Variants in EGLN1 observed in about 807,000 individuals in gnomAD.
EGLN1 encodes the protein egl-9 family hypoxia inducible factor 1.
In EGLN1, 17 loss-of-function variants were observed where a neutral mutation model predicts 38.3. The ratio of observed to expected loss-of-function variants is 0.44; its 90% confidence interval spans 0.30 to 0.67. The LOEUF is 0.67. EGLN1 is among the 30% of genes least tolerant of loss of function. The pLI is 0.08. For missense variants in EGLN1, 477 were observed against 603.3 expected (o/e 0.79, Z 2.19); for synonymous variants, 283 against 257.5 (o/e 1.10, Z -0.95).
chr1:231,418,030 C>T (rs1469665295), intron 1 of EGLN1, among the ~76,000 whole-genome samples: 1 of 152,192 alleles, frequency 6.6e-6, no homozygotes, highest in Non-Finnish European at 1.5e-5. Context: ...AACCACCTGC[C>T]TACTGCTGTG....
At chr1:231,396,473 C>T (rs1444312719) in intron 1 of EGLN1, among the ~76,000 whole-genome samples, 2 of 152,144 alleles carry the variant, frequency 1.3e-5, no homozygotes, top group African/African-American at 2.4e-5. Context: ...AGGATGGTCT[C>T]GATCTTTTGG....
chr1:231,384,643 C>T (rs1688151786), intron 1 of EGLN1, among the ~76,000 whole-genome samples: 1 of 152,088 alleles, frequency 6.6e-6, no homozygotes, highest in Admixed American at 6.5e-5. Context: ...TGAAGTCAGA[C>T]AGGTAAGGGG....
rs182701063 is a variant in EGLN1, at chr1:231,391,888, T to A, written c.892-17789A>T. ...TACAGATATACTAAAAATGAAATAA[T>A]CCAACTAGAATTTTACATATTCAAG... On this transcript the variant is annotated intron_variant, in intron 1 of 4. Transcript: ENST00000366641. Among the ~76,000 whole-genome samples, 16 of 151,970 alleles carry A rather than the reference T, an allele frequency of 1.1e-4. No homozygotes were observed. The East Asian group carries it at 2.9e-3, about 28-fold the overall frequency.
intron 1 of EGLN1, among the ~76,000 whole-genome samples, chr1:231,401,557 A>G (rs2808602): frequency 0.54 from 82,814 of 152,032 alleles, 24,202 homozygotes; most frequent in Non-Finnish European, 0.65. Context: ...AAAATTACAA[A>G]TAGTACAAAC....
chr1:231,391,305 A>C (rs1688380688), intron 1 of EGLN1, among the ~76,000 whole-genome samples: 1 of 152,090 alleles, frequency 6.6e-6, no homozygotes, highest in Non-Finnish European at 1.5e-5. Flanking sequence ...TCTAGCTCTA[A>C]GACTATACAT....
chr1:231,411,324 T>C lies in EGLN1; in HGVS notation c.891+9674A>G, dbSNP rs148425562. 5.9e-3 allele frequency among the ~76,000 whole-genome samples: 894 copies of C among 152,314 alleles called. 6 individuals carry two copies. Among genetic ancestry groups the C allele is most frequent in the African/African-American group, 0.02 (826 of 41,572 alleles). On this transcript the variant is annotated intron_variant, in intron 1 of 4. Transcript: ENST00000366641. ...TTTTGCCTTCTGCCATAATTGTAAGTTTCCTGAGGCCTCCCCAGCCATGTG... is the reference window on the plus strand; with the variant it reads ...TTTTGCCTTCTGCCATAATTGTAAGCTTCCTGAGGCCTCCCCAGCCATGTG...
chr1:231,413,478 T>C (rs1689003454), intron 1 of EGLN1, among the ~76,000 whole-genome samples: 1 of 152,234 alleles, frequency 6.6e-6, no homozygotes, highest in Non-Finnish European at 1.5e-5. Flanking sequence ...CAAGTCACTA[T>C]TTAAATGTCA....
intron 1 of EGLN1, among the ~76,000 whole-genome samples, chr1:231,377,117 C>CT (rs1450472289): frequency 1.3e-5 from 2 of 152,234 alleles, no homozygotes; most frequent in Non-Finnish European, 2.9e-5. Context: ...CTCAATATCT[C>CT]TTACCACCTA....
chr1:231,371,824 A>G (rs1392803247), intron 2 of EGLN1, among the ~76,000 whole-genome samples: 1 of 152,040 alleles, frequency 6.6e-6, no homozygotes, highest in East Asian at 1.9e-4. Context: ...AAATTTAAAG[A>G]AACTCTAACA....
intron 1 of EGLN1, among the ~76,000 whole-genome samples, chr1:231,386,586 A>G (rs529216107): frequency 2.1e-4 from 32 of 152,078 alleles, no homozygotes; most frequent in Non-Finnish European, 3.7e-4. Context: ...ACCTAAACAC[A>G]CTCATTTTTT....
chr1:231,405,977 AC>A (rs1221403685), intron 1 of EGLN1, among the ~76,000 whole-genome samples: 4 of 29,154 alleles, frequency 1.4e-4, no homozygotes, highest in East Asian at 1.6e-3. Flanking sequence ...AGCACCCCCC[AC>A]CCCCCACCCC....
At chr1:231,376,713 T>A (rs548065973) in intron 1 of EGLN1, among the ~76,000 whole-genome samples, 1 of 152,360 alleles carries the variant, frequency 6.6e-6, no homozygotes, top group African/African-American at 2.4e-5. Flanking sequence ...TGAAAAGTTG[T>A]ATTTTCTTAA....
intron 1 of EGLN1, among the ~76,000 whole-genome samples, chr1:231,402,461 G>A (rs1688687322): frequency 6.8e-6 from 1 of 148,132 alleles, no homozygotes; most frequent in South Asian, 2.1e-4. Flanking sequence ...TTGAGATGGA[G>A]TCTCACTCTG....
intron 3 of EGLN1, chr1:231,369,541 G>C (rs1222776922): frequency 1.0e-6 from 1 of 984,730 alleles, no homozygotes; most frequent in African/African-American, 1.7e-5. Flanking sequence ...GTCTTTCTTT[G>C]GTTTCCATTC....
At chr1:231,378,472 C>T (rs2808585) in intron 1 of EGLN1, among the ~76,000 whole-genome samples, 82,544 of 151,574 alleles carry the variant, frequency 0.54, 24,046 homozygotes, top group Non-Finnish European at 0.65. Context: ...TTCTTTTTTA[C>T]GTTTTCAGAG....
intron 3 of EGLN1, among the ~76,000 whole-genome samples, chr1:231,369,904 A>G (rs1017307404): frequency 2.0e-5 from 3 of 152,214 alleles, no homozygotes; most frequent in Admixed American, 1.3e-4. Flanking sequence ...TTGTTTTCAC[A>G]GCCAGAGCAT....
At chr1:231,390,112 A>G (rs1290556643) in intron 1 of EGLN1, among the ~76,000 whole-genome samples, 2 of 152,226 alleles carry the variant, frequency 1.3e-5, no homozygotes, top group Admixed American at 6.5e-5. Context: ...TTAAGTGAAA[A>G]TAACAATAGT....
intron 1 of EGLN1, among the ~76,000 whole-genome samples, chr1:231,413,196 C>T (rs925150359): frequency 6.6e-6 from 1 of 152,264 alleles, no homozygotes; most frequent in South Asian, 2.1e-4. Context: ...CTGCCTCAGC[C>T]TCCAGAGTAG....
intron 1 of EGLN1, among the ~76,000 whole-genome samples, chr1:231,389,012 A>G (rs1688303127): frequency 6.6e-6 from 1 of 152,216 alleles, no homozygotes; most frequent in South Asian, 2.1e-4. Context: ...GAATCTTATT[A>G]ATGTAACCTT....
Sources: allele counts gnomAD v4.1 joint callset (sites outside exome capture counted in the v4.1 genomes callset), GRCh38; gene constraint gnomAD v4.1.1; transcripts MANE v1.5; gene names NCBI Gene and HGNC (gene_info 2026-07-23, HGNC 2026-07-21).